The following AGPAT4 variants were observed in gnomAD, a reference collection of about 807,000 sequenced individuals.
The protein encoded by AGPAT4 is 1-acyl-sn-glycerol-3-phosphate acyltransferase delta.
Under a neutral mutation model 48.0 loss-of-function variants are expected in AGPAT4, and 15 were observed. The observed-to-expected ratio is 0.31, with a 90% confidence interval of 0.21 to 0.48. AGPAT4 has a LOEUF of 0.48. Among genes scored for constraint, AGPAT4 ranks in the 20% least tolerant of loss-of-function variants. The probability of loss-of-function intolerance (pLI) is 0.99; values close to 1 mark genes in which losing one functional copy is unlikely to be tolerated. For synonymous variants in AGPAT4, 178 were observed against 198.7 expected, an observed-to-expected ratio of 0.90 and a Z score of 0.88; for missense variants, 314 against 482.5, an observed-to-expected ratio of 0.65 and a Z score of 3.27.
chr6:161,172,360 T>G (rs1780289539), intron 2 of AGPAT4, among the ~76,000 whole-genome samples: 1 of 152,176 alleles, frequency 6.6e-6, no homozygotes, highest in Non-Finnish European at 1.5e-5. Flanking sequence ...CCACCACACC[T>G]GCCGAGCACA....
chr6:161,149,950 A>G lies in AGPAT4; in HGVS notation c.665-661T>C, dbSNP rs1050153737. Among the ~76,000 whole-genome samples the G allele has an allele frequency of 6.6e-6, 1 of 152,210 alleles. No individual in the cohort carries two copies. The highest frequency in any genetic ancestry group is 2.4e-5 in the African/African-American group (1 of 41,458). On this transcript the variant is annotated intron_variant, in intron 5 of 8. Coordinates refer to ENST00000320285, the MANE Select transcript of AGPAT4 (RefSeq NM_020133.3). This position sits in a 1 kb window ranked among gnomAD's most constrained non-coding sequence, Gnocchi z 6.5. ...ATCATTTCAGTCAAGAAACACCGAA[A>G]TTTGAACAAGTGTGGATGATAAGAA...
Position 161,161,459 on chromosome 6 carries a change from C to G in AGPAT4, c.348+4789G>C. 2.2e-6 allele frequency: 1 copy of G among 456,684 alleles called. No individual in the cohort carries two copies. The highest frequency in any genetic ancestry group is 4.4e-6 in the Non-Finnish European group (1 of 226,972). 28.3% of individuals were successfully genotyped at this position (456,684 alleles called of 1,614,324 possible). A position where few individuals can be genotyped will look rare whatever the true frequency, so the allele number is the denominator to read the frequency against. On this transcript the variant is annotated intron_variant, in intron 3 of 8. Transcript: ENST00000320285. The surrounding 1 kb of genome is among the most constrained non-coding windows in gnomAD (Gnocchi z 4.6). ...TGGTAAGAGGCAGAGGGTGGCGTCC[C>G]AGCCCATTCCTAGTGCAAGGTCTGT...
In AGPAT4 at chr6:161,264,853, G is replaced by A. The variant is rs1187391453; in HGVS notation, c.-90+9085C>T. 1.3e-5 allele frequency among the ~76,000 whole-genome samples: 2 copies of A among 152,042 alleles called. No individual in the cohort carries two copies. Among genetic ancestry groups the A allele is most frequent in the Non-Finnish European group, 2.9e-5 (2 of 67,948 alleles). ...GGACACAGCAGTTATGGAACCCCTA[G>A]GGTCACCCAGGACTAGTTATGGGAC... is the stretch of plus-strand genomic sequence containing the variant. On this transcript the variant is annotated intron_variant, in intron 1 of 8. Coordinates refer to ENST00000320285, the MANE Select transcript of AGPAT4 (RefSeq NM_020133.3). The surrounding 1 kb of genome is among the most constrained non-coding windows in gnomAD (Gnocchi z 6.8).
chr6:161,202,941 A>G lies in AGPAT4; in HGVS notation c.178+29095T>C, dbSNP rs1162615966. Among the ~76,000 whole-genome samples the G allele has an allele frequency of 6.6e-6, 1 of 152,170 alleles. No individual in the cohort carries two copies. Among genetic ancestry groups the G allele is most frequent in the Non-Finnish European group, 1.5e-5 (1 of 68,034 alleles). ...GTTGAGGTCCCAGCCAACAGCCAAC[A>G]TCAACCTCCAGGCTTGTGAGTAAAG... On this transcript the variant is annotated intron_variant, in intron 2 of 8. Transcript: ENST00000320285. The surrounding 1 kb of genome is among the most constrained non-coding windows in gnomAD (Gnocchi z 5.4).
chr6:161,251,887 G>A lies in AGPAT4; in HGVS notation c.-89-19585C>T, dbSNP rs1485502982. Among the ~76,000 whole-genome samples the A allele has an allele frequency of 6.6e-6, 1 of 152,194 alleles. No homozygotes were observed. The highest frequency in any genetic ancestry group is 1.5e-5 in the Non-Finnish European group (1 of 68,044). The stretch of plus-strand genomic sequence containing the variant: ...GGGATACATTACCTGTTACAGATTA[G>A]GGAATGGAAGGCCTATGATGGTAGG... On this transcript the variant is annotated intron_variant, in intron 1 of 8. Coordinates refer to ENST00000320285, the MANE Select transcript of AGPAT4 (RefSeq NM_020133.3). This position sits in a 1 kb window ranked among gnomAD's most constrained non-coding sequence, Gnocchi z 4.6.
intron 2 of AGPAT4, among the ~76,000 whole-genome samples, chr6:161,182,887 C>T (rs1780641153): frequency 6.6e-6 from 1 of 152,190 alleles, no homozygotes; most frequent in Non-Finnish European, 1.5e-5. Context: ...GGAGTGAACA[C>T]AGCTTCCCAC....
intron 1 of AGPAT4, among the ~76,000 whole-genome samples, chr6:161,258,573 A>C: frequency 6.6e-6 from 1 of 152,160 alleles, no homozygotes; most frequent in South Asian, 2.1e-4. Flanking sequence ...CCTAGAAAAC[A>C]GGAGAGTTCT....
At chr6:161,230,282 T>C (rs1782089611) in intron 2 of AGPAT4, among the ~76,000 whole-genome samples, 1 of 152,206 alleles carries the variant, frequency 6.6e-6, no homozygotes, top group Admixed American at 6.5e-5. Flanking sequence ...TTCGTAACCA[T>C]CCACTTGAAA....
At chr6:161,268,030 G>C (rs1268275720) in intron 1 of AGPAT4, among the ~76,000 whole-genome samples, 1 of 152,210 alleles carries the variant, frequency 6.6e-6, no homozygotes, top group Non-Finnish European at 1.5e-5. Flanking sequence ...CAGATGATCT[G>C]GGTTAACGTC....
chr6:161,217,819 A>G lies in AGPAT4; in HGVS notation c.178+14217T>C, dbSNP rs1781691131. On this transcript the variant is annotated intron_variant, in intron 2 of 8. Coordinates refer to ENST00000320285, the MANE Select transcript of AGPAT4 (RefSeq NM_020133.3). The surrounding 1 kb of genome is among the most constrained non-coding windows in gnomAD (Gnocchi z 4.9). ...CCTGCCCAGGCCACTGCCCTGGGAC[A>G]GGACTCACAGGCAGCACAGCTGGTG... 6.6e-6 allele frequency among the ~76,000 whole-genome samples: 1 copy of G among 152,212 alleles called. No homozygotes were observed. Among genetic ancestry groups the G allele is most frequent in the Admixed American group, 6.5e-5 (1 of 15,284 alleles).
chr6:161,167,451 T>C (rs929872246), intron 2 of AGPAT4, among the ~76,000 whole-genome samples: 1 of 152,142 alleles, frequency 6.6e-6, no homozygotes, highest in Non-Finnish European at 1.5e-5. Flanking sequence ...GGTAGACTCC[T>C]GGGTTCAAGC....
Position 161,214,324 on chromosome 6 carries a change from T to C in AGPAT4, c.178+17712A>G, listed in dbSNP as rs748414527. Among the ~76,000 whole-genome samples, 2 of 152,192 alleles carry C rather than the reference T, an allele frequency of 1.3e-5. No homozygotes were observed. Among genetic ancestry groups the C allele is most frequent in the African/African-American group, 2.4e-5 (1 of 41,456 alleles). On this transcript the variant is annotated intron_variant, in intron 2 of 8. Coordinates refer to ENST00000320285, the MANE Select transcript of AGPAT4 (RefSeq NM_020133.3). This position sits in a 1 kb window ranked among gnomAD's most constrained non-coding sequence, Gnocchi z 5.4. Reference sequence around the variant, plus strand: ...GTGTCACAGGCACACATCCTCAACCTTGACAAAATAAACTTTCTAAATTTA... The same window carrying C: ...GTGTCACAGGCACACATCCTCAACCCTGACAAAATAAACTTTCTAAATTTA...
Position 161,146,521 on chromosome 6 carries a change from G to A in AGPAT4, c.843+3C>T, listed in dbSNP as rs374557581. The A allele has an allele frequency of 1.9e-6, 3 of 1,613,752 alleles. No individual in the cohort carries two copies. The South Asian group carries it at 3.3e-5, about 18-fold the overall frequency. ...AGGGACCCCTGGCACCCAGTGCACT[G>A]ACCTTCTCCTGGTAGAGCTTGTGCA... On this transcript the variant is annotated splice_donor_region_variant and intron_variant, in intron 7 of 8. Transcript: ENST00000320285. This position sits in a 1 kb window ranked among gnomAD's most constrained non-coding sequence, Gnocchi z 7.1.
intron 2 of AGPAT4, among the ~76,000 whole-genome samples, chr6:161,181,064 A>T (rs1250550957): frequency 6.6e-6 from 1 of 152,128 alleles, no homozygotes; most frequent in Non-Finnish European, 1.5e-5. Flanking sequence ...CAGCTCTGTG[A>T]GAGGGTCTGG....
rs1779302032 is a variant in AGPAT4 at position 161,142,963 on chromosome 6, A to G, written c.844-3343T>C. Among the ~76,000 whole-genome samples, 1 of 152,232 alleles carries G rather than the reference A, an allele frequency of 6.6e-6. No homozygotes were observed. Among genetic ancestry groups the G allele is most frequent in the African/African-American group, 2.4e-5 (1 of 41,470 alleles). ...TCTTGTCCTTGAAGGCCAGAGCAGG[A>G]GAGCACAGTGTTTCCCACGGGCCAC... On this transcript the variant is annotated intron_variant, in intron 7 of 8. Coordinates refer to ENST00000320285, the MANE Select transcript of AGPAT4 (RefSeq NM_020133.3). This position sits in a 1 kb window ranked among gnomAD's most constrained non-coding sequence, Gnocchi z 6.4.
At position 161,171,149 on chromosome 6, in the gene AGPAT4, AT is replaced by A. The variant is rs1191203240; in HGVS notation, c.179-4733del. On this transcript the variant is annotated intron_variant, in intron 2 of 8. Coordinates refer to ENST00000320285, the MANE Select transcript of AGPAT4 (RefSeq NM_020133.3). This position sits in a 1 kb window ranked among gnomAD's most constrained non-coding sequence, Gnocchi z 4.4. ...CTTTCTGTTGTTTAGTTAAGGGAAA[AT>A]CACCTGTTGAGAGTTTCAGGTTGCA... Among the ~76,000 whole-genome samples, 1 of 152,212 alleles carries A rather than the reference AT, an allele frequency of 6.6e-6. No homozygotes were observed. The highest frequency in any genetic ancestry group is 2.4e-5 in the African/African-American group (1 of 41,458).
At position 161,232,624 on chromosome 6, in the gene AGPAT4, C is replaced by T. The variant is rs532006121; in HGVS notation, c.-89-322G>A. On this transcript the variant is annotated intron_variant, in intron 1 of 8. Transcript: ENST00000320285. This position sits in a 1 kb window ranked among gnomAD's most constrained non-coding sequence, Gnocchi z 6.8. ...CCAGCTGGGCAGCAGCTGAGCCAGCCACGGAGCCCTGGGTCCCACTTGAGT... is the reference window on the plus strand; with the variant it reads ...CCAGCTGGGCAGCAGCTGAGCCAGCTACGGAGCCCTGGGTCCCACTTGAGT... 6.6e-6 allele frequency among the ~76,000 whole-genome samples: 1 copy of T among 152,316 alleles called. No homozygotes were observed. The highest frequency in any genetic ancestry group is 6.5e-5 in the Admixed American group (1 of 15,308).
At chr6:161,194,429 AGTGTGTGTGTGT>A (rs980053282) in intron 2 of AGPAT4, among the ~76,000 whole-genome samples, 1 of 140,620 alleles carries the variant, frequency 7.1e-6, no homozygotes, top group African/African-American at 2.9e-5. Flanking sequence ...TTTCCAGAGT[AGTGTGTGTGTGT>A]GTTTGTGTGT....
In AGPAT4 at chr6:161,198,248, C is replaced by T. The variant is rs757373633; in HGVS notation, c.179-31831G>A. 2.6e-5 allele frequency among the ~76,000 whole-genome samples: 4 copies of T among 152,158 alleles called. No homozygotes were observed. Among genetic ancestry groups the T allele is most frequent in the Non-Finnish European group, 4.4e-5 (3 of 68,030 alleles). On this transcript the variant is annotated intron_variant, in intron 2 of 8. Coordinates refer to ENST00000320285, the MANE Select transcript of AGPAT4 (RefSeq NM_020133.3). This position sits in a 1 kb window ranked among gnomAD's most constrained non-coding sequence, Gnocchi z 4.3. ...CTCTAAATTATACTTCTTGCTTGTA[C>T]GTAAATATAATCTCAAGTAATTTTT...
Sources: gnomAD v4.1 joint callset for allele counts (sites outside exome capture counted in the v4.1 genomes callset) on GRCh38, gnomAD v4.1.1 for gene constraint, Gnocchi (gnomAD v3.1) non-coding constraint, MANE v1.5 for transcripts, NCBI Gene and HGNC (gene_info 2026-07-23, HGNC 2026-07-21) for gene names.